Variants in PTN observed in about 807,000 individuals in gnomAD.
PTN encodes heparin affin regulatory protein.
A neutral mutation model predicts 24.1 loss-of-function variants in PTN; 18 were observed. The ratio of observed to expected loss-of-function variants is 0.75; its 90% CI spans 0.52 to 1.11. PTN has a LOEUF of 1.11. PTN is among the 50% of genes least tolerant of loss of function. The pLI is 0.00. For synonymous variants in PTN, 78 were observed against 68.6 expected (o/e 1.14, Z -0.67); for missense variants, 163 against 198.8 (o/e 0.82, Z 1.08).
chr7:137,249,448 G>C (rs1488249740), intron 4 of PTN, among the ~76,000 whole-genome samples: 2 of 152,122 alleles, frequency 1.3e-5, no homozygotes, highest in Admixed American at 6.6e-5. Context: ...GTTAGTCTGT[G>C]CTATACTTGG....
At chr7:137,313,805 T>G (rs572542883) in intron 1 of PTN, among the ~76,000 whole-genome samples, 1 of 152,310 alleles carries the variant, frequency 6.6e-6, no homozygotes, top group East Asian at 1.9e-4. Flanking sequence ...TCCTATCTGT[T>G]GTACCGATAA....
At chr7:137,262,150 A>G (rs916573854) in intron 1 of PTN, among the ~76,000 whole-genome samples, 2 of 152,128 alleles carry the variant, frequency 1.3e-5, no homozygotes, top group African/African-American at 4.8e-5. Flanking sequence ...AAAGTACAAC[A>G]ATTTTCCTAA....
At chr7:137,255,481 C>A (rs1314810609) in intron 1 of PTN, among the ~76,000 whole-genome samples, 2 of 152,172 alleles carry the variant, frequency 1.3e-5, no homozygotes, top group African/African-American at 4.8e-5. Flanking sequence ...ACACAACAAC[C>A]AACATCTCTG....
intron 1 of PTN, among the ~76,000 whole-genome samples, chr7:137,304,278 G>A (rs1809851914): frequency 6.6e-6 from 1 of 151,856 alleles, no homozygotes; most frequent in African/African-American, 2.4e-5. Context: ...GTTATCCACA[G>A]TGGAAATCAG....
At chr7:137,236,501 G>C (rs1808523958) in intron 4 of PTN, among the ~76,000 whole-genome samples, 1 of 152,048 alleles carries the variant, frequency 6.6e-6, no homozygotes, top group Non-Finnish European at 1.5e-5. Context: ...CAGACAGAGA[G>C]AGAGAAAACC....
chr7:137,269,065 TCTC>T (rs1809217961), intron 1 of PTN, among the ~76,000 whole-genome samples: 1 of 152,202 alleles, frequency 6.6e-6, no homozygotes, highest in African/African-American at 2.4e-5. Context: ...CTGTTCATTC[TCTC>T]CTTTTAAGTT....
chr7:137,262,465 TTGTTTTCTTAG>T (rs1444722340), intron 1 of PTN, among the ~76,000 whole-genome samples: 2 of 152,200 alleles, frequency 1.3e-5, no homozygotes, highest in African/African-American at 4.8e-5. Context: ...ACATTTTATA[TTGTTTTCTTAG>T]TGTTTTCTAA....
Position 137,271,058 on chromosome 7 carries a change from C to T in PTN, c.-1-16084G>A, listed in dbSNP as rs572586401. 1.8e-4 allele frequency among the ~76,000 whole-genome samples: 28 copies of T among 152,274 alleles called. No homozygotes were observed. The South Asian group carries it at 5.8e-3, about 32-fold the overall frequency. ...TCCATTTCTCCTGATTGATATTGTT[C>T]TCCCCATTCTACTGCAGGCTCTGCA... On this transcript the variant is annotated intron_variant, in intron 1 of 4. Transcript: ENST00000348225.
chr7:137,291,564 C>T (rs553383020), intron 1 of PTN, among the ~76,000 whole-genome samples: 45 of 152,032 alleles, frequency 3.0e-4, no homozygotes, highest in Admixed American at 7.9e-4. Flanking sequence ...CTGACCGCTG[C>T]CTACGGGTCT....
intron 1 of PTN, among the ~76,000 whole-genome samples, chr7:137,293,572 G>C (rs1809673925): frequency 1.3e-5 from 2 of 151,990 alleles, no homozygotes; most frequent in African/African-American, 4.8e-5. Flanking sequence ...ACCATACTCA[G>C]CATCATAAAG....
At chr7:137,236,170 T>C (rs1435776284) in intron 4 of PTN, 1 of 702,264 alleles carries the variant, frequency 1.4e-6, no homozygotes, top group Non-Finnish European at 2.6e-6. Context: ...CGAATCCATC[T>C]CCCTTCACCC....
intron 1 of PTN, among the ~76,000 whole-genome samples, chr7:137,296,018 C>T (rs1054613118): frequency 2.6e-5 from 4 of 151,962 alleles, no homozygotes; most frequent in African/African-American, 9.7e-5. Flanking sequence ...AGCATGATGC[C>T]ACGGAGAGAC....
chr7:137,295,927 G>A (rs1393188492), intron 1 of PTN, among the ~76,000 whole-genome samples: 1 of 151,914 alleles, frequency 6.6e-6, no homozygotes, highest in African/African-American at 2.4e-5. Flanking sequence ...TTTTCTGCTT[G>A]AAAAGAAGCA....
rs559372857 is a variant in PTN, at chr7:137,301,922, A to G, written c.-2+41517T>C. ...TGTCAAAAATTCAGGATAGTAATTA[A>G]AACGTTAGTATATGTTCCTTAAGAC... On this transcript the variant is annotated intron_variant, in intron 1 of 4. Transcript: ENST00000348225. Among the ~76,000 whole-genome samples, 509 of 152,028 alleles carry G rather than the reference A, an allele frequency of 3.3e-3. 2 individuals are homozygous for G. Among genetic ancestry groups the G allele is most frequent in the Middle Eastern group, 0.014 (4 of 294 alleles).
chr7:137,315,184 C>A (rs1322204686), intron 1 of PTN, among the ~76,000 whole-genome samples: 1 of 152,120 alleles, frequency 6.6e-6, no homozygotes, highest in Non-Finnish European at 1.5e-5. Flanking sequence ...GCAATGGTAT[C>A]ACCATTAATC....
At chr7:137,251,153 C>A in intron 4 of PTN, 77 bp downstream of exon 4, 2 of 1,507,890 alleles carry the variant, frequency 1.3e-6, no homozygotes, top group South Asian at 1.2e-5. Flanking sequence ...ATATTTCCTT[C>A]TGGAAAATGT....
intron 1 of PTN, among the ~76,000 whole-genome samples, chr7:137,262,346 CT>C (rs1809055318): frequency 6.6e-6 from 1 of 151,930 alleles, no homozygotes; most frequent in Non-Finnish European, 1.5e-5. Flanking sequence ...TCTTGTGTCC[CT>C]TCTAGTTTAG....
intron 1 of PTN, among the ~76,000 whole-genome samples, chr7:137,274,529 C>T (rs1280426185): frequency 6.6e-6 from 1 of 151,954 alleles, no homozygotes; most frequent in Non-Finnish European, 1.5e-5. Flanking sequence ...CACCCCCCGA[C>T]AGGCCCTGGT....
intron 1 of PTN, among the ~76,000 whole-genome samples, chr7:137,313,126 C>T (rs112766604): frequency 5.9e-5 from 9 of 152,210 alleles, no homozygotes; most frequent in African/African-American, 2.2e-4. Flanking sequence ...GCAGCCCTCA[C>T]TCCCCACGTG....
Sources: gnomAD v4.1 joint callset for allele counts (sites outside exome capture counted in the v4.1 genomes callset) on GRCh38, gnomAD v4.1.1 for gene constraint, MANE v1.5 for transcripts, NCBI Gene and HGNC (gene_info 2026-07-23, HGNC 2026-07-21) for gene names.